The following AK5 variants were observed in gnomAD, a reference collection of about 807,000 sequenced individuals.
The protein encoded by AK5 is adenylate kinase 5, also known as adenylate kinase isoenzyme 5.
Under a neutral mutation model 69.5 loss-of-function variants are expected in AK5, and 27 were observed. That is an observed-to-expected ratio of 0.39 (90% CI 0.29 to 0.54). AK5 has a LOEUF of 0.54. Ranked by LOEUF, AK5 falls within the 20% of genes least tolerant of loss-of-function variation. The probability of loss-of-function intolerance (pLI) is 0.71; values close to 1 mark genes in which losing one functional copy is unlikely to be tolerated. For missense variants in AK5, 531 were observed against 700.4 expected (o/e 0.76, Z 2.73); for synonymous variants, 260 against 244.4 (o/e 1.06, Z -0.60).
At chr1:77,390,043 C>G (rs891448693) in intron 6 of AK5, among the ~76,000 whole-genome samples, 2 of 152,162 alleles carry the variant, frequency 1.3e-5, no homozygotes, top group Non-Finnish European at 1.5e-5. Flanking sequence ...TGTCCAAATT[C>G]AGGAGTGAGA....
chr1:77,551,224 AACAC>A (rs3077617), intron 13 of AK5, among the ~76,000 whole-genome samples: 44 of 149,528 alleles, frequency 2.9e-4, no homozygotes, highest in Non-Finnish European at 3.4e-4. Flanking sequence ...GGCCTTTCCC[AACAC>A]ACACACACAC....
rs768169679 is a variant in AK5, at chr1:77,387,697, C to T, written c.892-23284C>T. Among the ~76,000 whole-genome samples, 31 of 152,162 alleles carry T rather than the reference C, an allele frequency of 2.0e-4. 1 individual carries two copies. Among genetic ancestry groups the T allele is most frequent in the Admixed American group, 6.5e-5 (1 of 15,272 alleles). On this transcript the variant is annotated intron_variant, in intron 6 of 13. Coordinates refer to ENST00000354567, the MANE Select transcript of AK5 (RefSeq NM_174858.3). ...ACGTCTTCATTTATAGGTGAAGAAG[C>T]TTAATCACATGTGTCTGAAAACATA...
At chr1:77,361,650 C>T (rs1030587774) in intron 6 of AK5, among the ~76,000 whole-genome samples, 3 of 152,158 alleles carry the variant, frequency 2.0e-5, no homozygotes, top group African/African-American at 4.8e-5. Flanking sequence ...TTTAATTAGA[C>T]TCACAGTTCC....
chr1:77,391,267 T>A (rs79414222), intron 6 of AK5, among the ~76,000 whole-genome samples: 2 of 151,414 alleles, frequency 1.3e-5, no homozygotes, highest in Admixed American at 6.6e-5. Flanking sequence ...AGCAGTCCTC[T>A]AGAGAAGGGT....
intron 10 of AK5, among the ~76,000 whole-genome samples, chr1:77,501,242 T>C (rs982158592): frequency 1.3e-5 from 2 of 152,214 alleles, no homozygotes; most frequent in African/African-American, 4.8e-5. Flanking sequence ...AAGGCCTAGA[T>C]GCATGAATGT....
chr1:77,544,706 G>C (rs1334442182), intron 13 of AK5, among the ~76,000 whole-genome samples: 1 of 152,084 alleles, frequency 6.6e-6, no homozygotes, highest in Non-Finnish European at 1.5e-5. Flanking sequence ...GCTGTCGTCT[G>C]CTTTGATAAC....
intron 8 of AK5, among the ~76,000 whole-genome samples, chr1:77,474,209 C>T (rs956207930): frequency 1.3e-5 from 2 of 152,190 alleles, no homozygotes; most frequent in African/African-American, 4.8e-5. Flanking sequence ...CAGTCTCTCC[C>T]GAATGTCTCC....
At chr1:77,302,592 G>GT (rs1659404991) in intron 5 of AK5, among the ~76,000 whole-genome samples, 1 of 152,174 alleles carries the variant, frequency 6.6e-6, no homozygotes, top group South Asian at 2.1e-4. Context: ...TAGGTGCCCT[G>GT]TTTTTTGGTG....
intron 10 of AK5, among the ~76,000 whole-genome samples, chr1:77,499,607 G>C (rs1210424518): frequency 6.6e-6 from 1 of 152,032 alleles, no homozygotes; most frequent in African/African-American, 2.4e-5. Flanking sequence ...GAACACCCTG[G>C]TTTTTTTGGA....
chr1:77,367,489 T>G (rs529683939), intron 6 of AK5, among the ~76,000 whole-genome samples: 57 of 140,528 alleles, frequency 4.1e-4, no homozygotes, highest in East Asian at 2.1e-4. Flanking sequence ...GCTAGTTTTT[T>G]TTTGTTTGTT....
At position 77,315,695 on chromosome 1, in the gene AK5, C is replaced by T. The variant is rs112026119; in HGVS notation, c.699+17748C>T. 1.4e-3 allele frequency among the ~76,000 whole-genome samples: 213 copies of T among 152,154 alleles called. 2 individuals are homozygous for T. Among genetic ancestry groups the T allele is most frequent in the African/African-American group, 5.0e-3 (206 of 41,480 alleles). On this transcript the variant is annotated intron_variant, in intron 5 of 13. Transcript: ENST00000354567. The stretch of plus-strand genomic sequence containing the variant: ...ACAAAATATGTAGCTCCTATGTAGG[C>T]GACAGGTGACTGATACAGTGGGCGC...
At chr1:77,332,231 G>A (rs185149525) in intron 5 of AK5, among the ~76,000 whole-genome samples, 24 of 151,406 alleles carry the variant, frequency 1.6e-4, no homozygotes, top group East Asian at 3.9e-4. Flanking sequence ...AATATTATTC[G>A]TGCCTTTCCT....
chr1:77,430,252 T>C (rs1052226616), intron 8 of AK5, among the ~76,000 whole-genome samples: 4 of 152,066 alleles, frequency 2.6e-5, no homozygotes, highest in South Asian at 2.1e-4. Flanking sequence ...GAGGTGTATT[T>C]GAGAAGAACT....
At chr1:77,359,546 A>T (rs1252774279) in intron 6 of AK5, among the ~76,000 whole-genome samples, 1 of 152,080 alleles carries the variant, frequency 6.6e-6, no homozygotes, top group African/African-American at 2.4e-5. Flanking sequence ...TGAAAAAAAA[A>T]TGGATAAAAA....
chr1:77,284,216 A>G (rs978712829), intron 1 of AK5, among the ~76,000 whole-genome samples: 2 of 152,348 alleles, frequency 1.3e-5, no homozygotes, highest in African/African-American at 4.8e-5. Context: ...CAGTAAGACG[A>G]ATCTGTGCTA....
intron 6 of AK5, among the ~76,000 whole-genome samples, chr1:77,364,767 G>T (rs967145147): frequency 1.3e-5 from 2 of 152,234 alleles, no homozygotes; most frequent in African/African-American, 4.8e-5. Flanking sequence ...TTATCCATTC[G>T]TCTGTTGATG....
chr1:77,327,662 G>T (rs903017358), intron 5 of AK5, among the ~76,000 whole-genome samples: 1 of 152,152 alleles, frequency 6.6e-6, no homozygotes. Flanking sequence ...AACAGCTGAT[G>T]TATTTTTTAA....
intron 10 of AK5, among the ~76,000 whole-genome samples, chr1:77,506,627 G>T (rs372562388): frequency 3.9e-5 from 6 of 152,146 alleles, no homozygotes; most frequent in Non-Finnish European, 2.9e-5. Flanking sequence ...GCTATGGTGG[G>T]TGTTGGCTGA....
intron 6 of AK5, among the ~76,000 whole-genome samples, chr1:77,367,773 A>ATATATACGTTATATGTTATATATAT (rs1454446158): frequency 3.3e-5 from 1 of 30,572 alleles, no homozygotes; most frequent in Non-Finnish European, 6.0e-5. Context: ...AATATATGTT[A>ATATATACGTTATATGTTATATATAT]TATATAATAT....
Sources: gnomAD v4.1 joint callset for allele counts (sites outside exome capture counted in the v4.1 genomes callset) on GRCh38, gnomAD v4.1.1 for gene constraint, MANE v1.5 for transcripts, NCBI Gene and HGNC (gene_info 2026-07-23, HGNC 2026-07-21) for gene names.